Variants in FOSL2 observed in about 807,000 individuals in gnomAD.
FOSL2 encodes the protein fos-related antigen 2.
A neutral mutation model predicts 27.7 loss-of-function variants in FOSL2; 3 were observed. The ratio of observed to expected loss-of-function variants is 0.11; its 90% confidence interval spans 0.05 to 0.28. The LOEUF (loss-of-function observed/expected upper bound fraction) is 0.28, where lower values mean the gene tolerates loss of function less well. Ranked by LOEUF, FOSL2 falls within the 10% of genes least tolerant of loss-of-function variation. The pLI, the probability that FOSL2 is intolerant of heterozygous loss-of-function variation, is 1.00. For missense variants in FOSL2, 333 were observed against 445.1 expected (o/e 0.75, Z 2.27); for synonymous variants, 179 against 190.1 (o/e 0.94, Z 0.48).
chr2:28,415,501 C>G lies in FOSL2; in HGVS notation c.*3053C>G, dbSNP rs1454654324. The stretch of plus-strand genomic sequence containing the variant: ...GGGGCTGCTGCTTCTGTTTCTCAGG[C>G]TCTGGGGAAAGGAATCTCCCTCTCC... On this transcript the variant is annotated 3_prime_UTR_variant, in exon 4 of 4. Coordinates refer to ENST00000264716, the MANE Select transcript of FOSL2 (RefSeq NM_005253.4). 1.3e-5 allele frequency: 2 copies of G among 152,204 alleles called. No individual in the cohort carries two copies. Among genetic ancestry groups the G allele is most frequent in the African/African-American group, 2.4e-5 (1 of 41,440 alleles). The allele number at this position is 152,204 out of a possible 1,614,324, so 9.4% of individuals were successfully genotyped here. A position where few individuals can be genotyped will look rare whatever the true frequency, so the allele number is the denominator to read the frequency against.
rs775493248 is a variant in FOSL2, at chr2:28,413,993, CT to C, written c.*1546del. On this transcript the variant is annotated 3_prime_UTR_variant, in exon 4 of 4. Transcript: ENST00000264716. ...TCAGCAGGGTCCCTGCTGCCCACCC[CT>C]CTGAGCCTTTTCTCCCCAGGGTATG... The C allele has an allele frequency of 9.3e-5, 37 of 396,552 alleles. No homozygotes were observed. Among genetic ancestry groups the C allele is most frequent in the African/African-American group, 1.4e-4 (7 of 48,738 alleles). The allele number at this position is 396,552 out of a possible 1,614,324, so 24.6% of individuals were successfully genotyped here. A position where few individuals can be genotyped will look rare whatever the true frequency, so the allele number is the denominator to read the frequency against.
chr2:28,402,269 A>T (rs1225633162), intron 1 of FOSL2, among the ~76,000 whole-genome samples: 2 of 152,190 alleles, frequency 1.3e-5, no homozygotes, highest in Admixed American at 1.3e-4. Context: ...TGCACTGGGT[A>T]ACTTTCCTCC....
rs367752342 is a variant in FOSL2, at chr2:28,393,389, C to T, written c.-332C>T. 3.4e-5 allele frequency: 11 copies of T among 319,860 alleles called. No individual in the cohort carries two copies. Among genetic ancestry groups the T allele is most frequent in the East Asian group, 3.0e-4 (4 of 13,376 alleles). 19.8% of individuals were successfully genotyped at this position (319,860 alleles called of 1,614,324 possible). Reference sequence around the variant, plus strand: ...GATTGGGCCGTGGGTCCCCGCTGAGCTCCGGCTGCGCGCGGGGGCGGGAGG... The same window carrying T: ...GATTGGGCCGTGGGTCCCCGCTGAGTTCCGGCTGCGCGCGGGGGCGGGAGG... On this transcript the variant is annotated 5_prime_UTR_variant, in exon 1 of 4. Coordinates refer to ENST00000264716, the MANE Select transcript of FOSL2 (RefSeq NM_005253.4). This position sits in a 1 kb window ranked among gnomAD's most constrained non-coding sequence, Gnocchi z 4.6.
intron 1 of FOSL2, among the ~76,000 whole-genome samples, chr2:28,394,998 G>A (rs1663781647): frequency 8.7e-6 from 1 of 115,140 alleles, no homozygotes. Context: ...GGATCTGATG[G>A]GGGGGTCCCT....
rs1444411707 is a variant in FOSL2 at position 28,410,910 on chromosome 2, A to G, written c.463-1020A>G. The stretch of plus-strand genomic sequence containing the variant: ...ATGCCTGTAATCCCAGCACTTTGGG[A>G]GGCTGAGGCGGGTGGATCACCTGAG... On this transcript the variant is annotated intron_variant, in intron 3 of 3. Coordinates refer to ENST00000264716, the MANE Select transcript of FOSL2 (RefSeq NM_005253.4). Among the ~76,000 whole-genome samples the G allele has an allele frequency of 2.6e-5, 4 of 152,162 alleles. No homozygotes were observed. The South Asian group carries it at 6.2e-4, about 24-fold the overall frequency.
At position 28,404,407 on chromosome 2, in the gene FOSL2, C is replaced by T. The variant is rs761640453; in HGVS notation, c.354+49C>T. 4 of 1,573,854 alleles carry T rather than the reference C, an allele frequency of 2.5e-6. No individual in the cohort carries two copies. In the South Asian group the frequency reaches 3.5e-5, roughly 14 times the overall value. On this transcript the variant is annotated intron_variant, in intron 2 of 3. Coordinates refer to ENST00000264716, the MANE Select transcript of FOSL2 (RefSeq NM_005253.4). The surrounding 1 kb of genome is among the most constrained non-coding windows in gnomAD (Gnocchi z 4.7). ...GAGCCACGTCAGTGGCTTTCAGAGCCCCAGAAACACAGAACGGGTTTCTGC... is the reference window on the plus strand; with the variant it reads ...GAGCCACGTCAGTGGCTTTCAGAGCTCCAGAAACACAGAACGGGTTTCTGC...
chr2:28,405,694 T>A (rs1664060736), intron 2 of FOSL2, among the ~76,000 whole-genome samples: 1 of 150,944 alleles, frequency 6.6e-6, no homozygotes, highest in Admixed American at 6.6e-5. Flanking sequence ...GTTGGTTTGT[T>A]CTGTTAATGG....
chr2:28,401,229 T>C (rs1223616837), intron 1 of FOSL2, among the ~76,000 whole-genome samples: 2 of 129,994 alleles, frequency 1.5e-5, no homozygotes, highest in Non-Finnish European at 3.6e-5. Context: ...CAGACTCTCC[T>C]TGGGGGTTTA....
Position 28,414,160 on chromosome 2 carries a change from G to A in FOSL2, c.*1712G>A, listed in dbSNP as rs550680485. 12 of 261,516 alleles carry A rather than the reference G, an allele frequency of 4.6e-5. No homozygotes were observed. The highest frequency in any genetic ancestry group is 3.4e-4 in the South Asian group (2 of 5,802). 16.2% of individuals were successfully genotyped at this position (261,516 alleles called of 1,614,324 possible). On this transcript the variant is annotated 3_prime_UTR_variant, in exon 4 of 4. Transcript: ENST00000264716. ...CAGCTCTAGAGGTCACAGTATCCTC[G>A]TTTGAAAGATAATTAAGATCCCCCG...
Position 28,404,392 on chromosome 2 carries a change from A to C in FOSL2, c.354+34A>C. 5.7e-6 allele frequency: 9 copies of C among 1,586,690 alleles called. No homozygotes were observed. Among genetic ancestry groups the C allele is most frequent in the Non-Finnish European group, 7.7e-6 (9 of 1,165,450 alleles). ...CAGACCAGTGGGAAGGAGCCACGTCAGTGGCTTTCAGAGCCCCAGAAACAC... is the reference window on the plus strand; with the variant it reads ...CAGACCAGTGGGAAGGAGCCACGTCCGTGGCTTTCAGAGCCCCAGAAACAC... On this transcript the variant is annotated intron_variant, in intron 2 of 3. Coordinates refer to ENST00000264716, the MANE Select transcript of FOSL2 (RefSeq NM_005253.4). This position sits in a 1 kb window ranked among gnomAD's most constrained non-coding sequence, Gnocchi z 4.7.
intron 1 of FOSL2, among the ~76,000 whole-genome samples, chr2:28,398,529 G>T (rs1399537072): frequency 6.6e-6 from 1 of 152,228 alleles, no homozygotes; most frequent in African/African-American, 2.4e-5. Context: ...TTGGAGTGGC[G>T]CTTCTGGCCA....
intron 2 of FOSL2, among the ~76,000 whole-genome samples, chr2:28,406,506 T>G (rs1664086804): frequency 6.6e-6 from 1 of 152,230 alleles, no homozygotes; most frequent in African/African-American, 2.4e-5. Flanking sequence ...TGAAGGGCCC[T>G]GTTAGAGTCT....
At chr2:28,398,414 A>G (rs376816615) in intron 1 of FOSL2, among the ~76,000 whole-genome samples, 159 of 152,290 alleles carry the variant, frequency 1.0e-3, no homozygotes, top group African/African-American at 3.8e-3. Context: ...GGTGGCTTTA[A>G]TGGAGGATGA....
At chr2:28,405,111 A>G (rs565903228) in intron 2 of FOSL2, among the ~76,000 whole-genome samples, 1 of 152,332 alleles carries the variant, frequency 6.6e-6, no homozygotes, top group East Asian at 1.9e-4. Context: ...CTAGTACTCA[A>G]GAGGCTCATT....
chr2:28,394,867 C>T (rs1334579092), intron 1 of FOSL2, among the ~76,000 whole-genome samples: 10 of 152,304 alleles, frequency 6.6e-5, no homozygotes, highest in African/African-American at 1.9e-4. Context: ...GCATAGTTGG[C>T]TGCAGCAAGG....
In FOSL2 at chr2:28,408,180, G is replaced by A. The variant is rs537432231; in HGVS notation, c.355-579G>A. On this transcript the variant is annotated intron_variant, in intron 2 of 3. Transcript: ENST00000264716. The surrounding 1 kb of genome is among the most constrained non-coding windows in gnomAD (Gnocchi z 4.1). Reference sequence around the variant, plus strand: ...CACCCTGGGATTGGCAGAGGAAATCGGGAGTGGAGTGGCACTCTTGGCCCT... The same window carrying A: ...CACCCTGGGATTGGCAGAGGAAATCAGGAGTGGAGTGGCACTCTTGGCCCT... 1.8e-4 allele frequency among the ~76,000 whole-genome samples: 27 copies of A among 152,284 alleles called. No individual in the cohort carries two copies. Among genetic ancestry groups the A allele is most frequent in the African/African-American group, 6.0e-4 (25 of 41,562 alleles).
At chr2:28,397,738 TG>T (rs1431506949) in intron 1 of FOSL2, among the ~76,000 whole-genome samples, 4 of 152,222 alleles carry the variant, frequency 2.6e-5, no homozygotes, top group Non-Finnish European at 5.9e-5. Context: ...GTTTTTTCCT[TG>T]GGGAGACTAA....
intron 3 of FOSL2, among the ~76,000 whole-genome samples, chr2:28,411,333 C>T (rs2148098879): frequency 6.6e-6 from 1 of 152,278 alleles, no homozygotes; most frequent in East Asian, 1.9e-4. Context: ...TATCCATCCA[C>T]AGGTGGGCTG....
intron 2 of FOSL2, among the ~76,000 whole-genome samples, chr2:28,407,143 A>G (rs1384002398): frequency 6.6e-6 from 1 of 152,188 alleles, no homozygotes; most frequent in African/African-American, 2.4e-5. Flanking sequence ...GAACTGGGTC[A>G]AGGCCAGCCT....
Sources: gnomAD v4.1 joint callset for allele counts (sites outside exome capture counted in the v4.1 genomes callset) on GRCh38, gnomAD v4.1.1 for gene constraint, Gnocchi (gnomAD v3.1) non-coding constraint, MANE v1.5 for transcripts, NCBI Gene and HGNC (gene_info 2026-07-23, HGNC 2026-07-21) for gene names.